The following ANKRD55 variants were observed in gnomAD, a reference collection of about 807,000 sequenced individuals.
ANKRD55 encodes ankyrin repeat domain-containing protein 55.
Under a neutral mutation model 60.6 loss-of-function variants are expected in ANKRD55, and 41 were observed. The ratio of observed to expected loss-of-function variants is 0.68; its 90% CI spans 0.53 to 0.88. The LOEUF is 0.88. Among genes scored for constraint, ANKRD55 ranks in the 40% least tolerant of loss-of-function variants. The pLI is 0.00. For missense variants in ANKRD55, 732 were observed against 767.6 expected (o/e 0.95, Z 0.55); for synonymous variants, 264 against 290.3 (o/e 0.91, Z 0.92).
intron 8 of ANKRD55, among the ~76,000 whole-genome samples, chr5:56,120,398 C>T (rs185884018): frequency 1.1e-3 from 168 of 152,272 alleles, no homozygotes; most frequent in African/African-American, 3.7e-3. Context: ...TTTTCTACCT[C>T]GCCTCTTTCC....
intron 4 of ANKRD55, among the ~76,000 whole-genome samples, chr5:56,174,117 A>T (rs1340502281): frequency 6.6e-6 from 1 of 152,142 alleles, no homozygotes; most frequent in Non-Finnish European, 1.5e-5. Context: ...AGGTGGCACC[A>T]CATGGTGTCC....
chr5:56,179,578 G>A lies in ANKRD55; in HGVS notation c.182-3296C>T, dbSNP rs182946174. On this transcript the variant is annotated intron_variant, in intron 3 of 11. Coordinates refer to ENST00000341048, the MANE Select transcript of ANKRD55 (RefSeq NM_024669.3). ...GGAGCAACTTGGTTAGGTAAGGTGT[G>A]CAGGAAGGTAGCCTCAGCATCTTGC... is the stretch of plus-strand genomic sequence containing the variant. Among the ~76,000 whole-genome samples the A allele has an allele frequency of 2.0e-3, 306 of 152,294 alleles. 1 individual carries two copies. The highest frequency in any genetic ancestry group is 3.7e-3 in the Admixed American group (57 of 15,294).
intron 2 of ANKRD55, among the ~76,000 whole-genome samples, chr5:56,191,593 T>G (rs1759093301): frequency 6.6e-6 from 1 of 152,178 alleles, no homozygotes; most frequent in African/African-American, 2.4e-5. Context: ...TAATTATTAT[T>G]AGAGCTTATA....
chr5:56,159,495 C>T (rs1054123051), intron 6 of ANKRD55, among the ~76,000 whole-genome samples: 3 of 151,942 alleles, frequency 2.0e-5, no homozygotes, highest in Admixed American at 1.3e-4. Context: ...CTTGAGCCAC[C>T]GCTTGCTACT....
rs1554040812 is a variant in ANKRD55, at chr5:56,166,158, T to TTTCTTTCTTTCTTTCTTTCTTTC, written c.422+4535_422+4536insGAAAGAAAGAAAGAAAGAAAGAA. ...TCTTTCTTTCTTTCTTTCTTTCTTC[T>TTTCTTTCTTTCTTTCTTTCTTTC]TTCCTTCCTTCCTTCCTTCCTTCCT... On this transcript the variant is annotated intron_variant, in intron 5 of 11. Coordinates refer to ENST00000341048, the MANE Select transcript of ANKRD55 (RefSeq NM_024669.3). Among the ~76,000 whole-genome samples, 129 of 72,454 alleles carry TTTCTTTCTTTCTTTCTTTCTTTC rather than the reference T, an allele frequency of 1.8e-3. 4 individuals carry two copies. The highest frequency in any genetic ancestry group is 2.4e-3 in the Non-Finnish European group (92 of 38,648). 47.5% of individuals were successfully genotyped at this position (72,454 alleles called of 152,430 possible).
intron 10 of ANKRD55, among the ~76,000 whole-genome samples, chr5:56,106,157 A>G (rs1756458830): frequency 6.6e-6 from 1 of 152,214 alleles, no homozygotes; most frequent in Admixed American, 6.5e-5. Context: ...CAGCAGCACT[A>G]CTAACTCATA....
intron 5 of ANKRD55, among the ~76,000 whole-genome samples, chr5:56,161,325 A>G (rs1042742359): frequency 3.3e-5 from 5 of 152,256 alleles, no homozygotes; most frequent in Non-Finnish European, 5.9e-5. Context: ...ATACTCATCA[A>G]GATGATAAAG....
At chr5:56,156,117 G>A (rs374938905) in intron 6 of ANKRD55, among the ~76,000 whole-genome samples, 7 of 152,204 alleles carry the variant, frequency 4.6e-5, no homozygotes, top group South Asian at 2.1e-4. Context: ...CCGGAGTGGC[G>A]GAGTCCATGT....
intron 3 of ANKRD55, among the ~76,000 whole-genome samples, chr5:56,180,330 G>A (rs1006895090): frequency 2.0e-5 from 3 of 152,222 alleles, no homozygotes; most frequent in Admixed American, 6.5e-5. Context: ...TAGCTTGAAT[G>A]TAGTTGAAAT....
chr5:56,136,651 C>A (rs1040224126), intron 7 of ANKRD55, among the ~76,000 whole-genome samples: 1 of 152,150 alleles, frequency 6.6e-6, no homozygotes, highest in East Asian at 1.9e-4. Context: ...CCGGGCAAGG[C>A]GGCTCGTACC....
intron 8 of ANKRD55, among the ~76,000 whole-genome samples, chr5:56,121,400 G>A (rs1277597436): frequency 4.5e-5 from 6 of 134,010 alleles, no homozygotes. Flanking sequence ...TTGAGATGGA[G>A]TCTCACTCTG....
At chr5:56,210,207 T>C (rs1290415481) in intron 2 of ANKRD55, among the ~76,000 whole-genome samples, 2 of 152,120 alleles carry the variant, frequency 1.3e-5, no homozygotes, top group Non-Finnish European at 2.9e-5. Context: ...GAGAGAGAAG[T>C]ATTTTTATGT....
At chr5:56,229,335 A>C (rs1362137437) in intron 2 of ANKRD55, among the ~76,000 whole-genome samples, 2 of 151,962 alleles carry the variant, frequency 1.3e-5, no homozygotes, top group Non-Finnish European at 2.9e-5. Context: ...ACCAGAAGAG[A>C]TGTTGCTATG....
chr5:56,223,931 G>A (rs1760037872), intron 2 of ANKRD55, among the ~76,000 whole-genome samples: 1 of 152,142 alleles, frequency 6.6e-6, no homozygotes, highest in African/African-American at 2.4e-5. Context: ...AGATCCATGA[G>A]ACAGAAAGTT....
chr5:56,223,237 C>A lies in ANKRD55; in HGVS notation c.58+9619G>T, dbSNP rs1760017041. Among the ~76,000 whole-genome samples, 3 of 152,066 alleles carry A rather than the reference C, an allele frequency of 2.0e-5. No individual in the cohort carries two copies. In the South Asian group the frequency reaches 6.2e-4, roughly 32 times the overall value. ...GAAAAGAATTTTCAACCCAGAATTTCATATCCAGCCAAACTAAGCTTCATA... is the reference window on the plus strand; with the variant it reads ...GAAAAGAATTTTCAACCCAGAATTTAATATCCAGCCAAACTAAGCTTCATA... On this transcript the variant is annotated intron_variant, in intron 2 of 11. Coordinates refer to ENST00000341048, the MANE Select transcript of ANKRD55 (RefSeq NM_024669.3).
At chr5:56,207,905 T>G (rs1759553619) in intron 2 of ANKRD55, among the ~76,000 whole-genome samples, 1 of 152,216 alleles carries the variant, frequency 6.6e-6, no homozygotes, top group South Asian at 2.1e-4. Context: ...TACTATAACA[T>G]TTTTACTCTA....
chr5:56,194,335 A>T (rs1759179481), intron 2 of ANKRD55, among the ~76,000 whole-genome samples: 1 of 151,822 alleles, frequency 6.6e-6, no homozygotes, highest in Admixed American at 6.6e-5. Context: ...AAAAAAAAGA[A>T]AATTTTATAA....
intron 2 of ANKRD55, among the ~76,000 whole-genome samples, chr5:56,221,707 C>G (rs988833766): frequency 6.6e-6 from 1 of 152,268 alleles, no homozygotes; most frequent in African/African-American, 2.4e-5. Context: ...TATCCCGTGC[C>G]TAGCTTGGAG....
At chr5:56,152,886 G>A (rs1255941744) in intron 6 of ANKRD55, among the ~76,000 whole-genome samples, 6 of 151,892 alleles carry the variant, frequency 4.0e-5, no homozygotes, top group Admixed American at 2.0e-4. Context: ...GGGTAGAGAA[G>A]GCCTTCTTTA....
Sources: allele counts gnomAD v4.1 joint callset (sites outside exome capture counted in the v4.1 genomes callset), GRCh38; gene constraint gnomAD v4.1.1; transcripts MANE v1.5; gene names NCBI Gene and HGNC (gene_info 2026-07-23, HGNC 2026-07-21).